The following INPP4B variants were observed in gnomAD, a reference collection of about 807,000 sequenced individuals.
INPP4B encodes inositol polyphosphate 4-phosphatase type II.
INPP4B carries 55 observed loss-of-function variants against 122.5 expected under a neutral mutation model. The observed-to-expected ratio is 0.45, with a 90% CI of 0.36 to 0.56. The LOEUF is 0.56. Ranked by LOEUF, INPP4B falls within the 20% of genes least tolerant of loss-of-function variation. The probability of loss-of-function intolerance (pLI) is 0.00; values close to 1 mark genes in which losing one functional copy is unlikely to be tolerated. For synonymous variants in INPP4B, 403 were observed against 388.7 expected, an observed-to-expected ratio of 1.04 and a Z score of -0.43; for missense variants, 1,000 against 1,097.7, an observed-to-expected ratio of 0.91 and a Z score of 1.26.
At chr4:142,514,665 A>G (rs1448123902) in intron 2 of INPP4B, 2 of 152,064 alleles carry the variant, frequency 1.3e-5, no homozygotes, top group Admixed American at 1.3e-4. Context: ...TAATAATATT[A>G]TTAGTTTTAT....
intron 22 of INPP4B, among the ~76,000 whole-genome samples, chr4:142,112,042 C>CA (rs149208884): frequency 0.13 from 20,083 of 149,874 alleles, 1,491 homozygotes; most frequent in East Asian, 0.24. Flanking sequence ...CCACGACCAG[C>CA]AAAAAAAAAG....
chr4:142,145,282 CAT>C lies in INPP4B; in HGVS notation c.1720+556_1720+557del, dbSNP rs564204092. ...AAACACATGCACTCACATGTATACACATGTGTGCATGGTTTCACAAAAATCTA... is the reference window on the plus strand; with the variant it reads ...AAACACATGCACTCACATGTATACACGTGTGCATGGTTTCACAAAAATCTA... On this transcript the variant is annotated intron_variant, in intron 18 of 25. Transcript: ENST00000262992. Among the ~76,000 whole-genome samples the C allele has an allele frequency of 7.4e-3, 1,121 of 152,252 alleles. 6 individuals carry two copies. Among genetic ancestry groups the C allele is most frequent in the Non-Finnish European group, 0.011 (752 of 68,000 alleles).
chr4:142,641,839 C>A (rs191669678), intron 2 of INPP4B, among the ~76,000 whole-genome samples: 155 of 152,294 alleles, frequency 1.0e-3, no homozygotes, highest in East Asian at 5.0e-3. Flanking sequence ...TGAGGAATCA[C>A]CACACTGACT....
At chr4:142,079,196 G>T (rs1772487329) in intron 25 of INPP4B, among the ~76,000 whole-genome samples, 3 of 151,924 alleles carry the variant, frequency 2.0e-5, no homozygotes, top group Admixed American at 2.0e-4. Flanking sequence ...TTGTTACATG[G>T]ACATACTGCA....
At chr4:142,737,488 A>G (rs1237349633) in intron 1 of INPP4B, among the ~76,000 whole-genome samples, 4 of 152,216 alleles carry the variant, frequency 2.6e-5, no homozygotes, top group Non-Finnish European at 4.4e-5. Context: ...CTTACATGTT[A>G]GACCTAAAAC....
At chr4:142,558,832 A>AT (rs146728047) in intron 2 of INPP4B, among the ~76,000 whole-genome samples, 9 of 143,238 alleles carry the variant, frequency 6.3e-5, no homozygotes, top group Non-Finnish European at 1.2e-4. Context: ...AAGAAGCTCA[A>AT]TTTTTTGAAG....
At chr4:142,044,183 A>T (rs527579153) in intron 25 of INPP4B, among the ~76,000 whole-genome samples, 1 of 152,316 alleles carries the variant, frequency 6.6e-6, no homozygotes, top group East Asian at 1.9e-4. Flanking sequence ...TATAGATAAT[A>T]AAAAGGGAGG....
intron 23 of INPP4B, among the ~76,000 whole-genome samples, chr4:142,091,797 C>T (rs1375867623): frequency 6.6e-6 from 1 of 152,172 alleles, no homozygotes; most frequent in African/African-American, 2.4e-5. Flanking sequence ...GGAACCGTGG[C>T]CTTTTAGCTC....
At chr4:142,283,949 G>T (rs1446953357) in intron 9 of INPP4B, among the ~76,000 whole-genome samples, 1 of 152,122 alleles carries the variant, frequency 6.6e-6, no homozygotes, top group African/African-American at 2.4e-5. Context: ...ACAGGAAAAT[G>T]AAGTCTGGTG....
chr4:142,590,411 A>G (rs1332607469), intron 2 of INPP4B, among the ~76,000 whole-genome samples: 2 of 152,350 alleles, frequency 1.3e-5, no homozygotes, highest in East Asian at 3.9e-4. Flanking sequence ...TTTAGTGATT[A>G]AGACTGAAGA....
At chr4:142,800,929 G>T (rs1202955082) in intron 1 of INPP4B, among the ~76,000 whole-genome samples, 2 of 152,134 alleles carry the variant, frequency 1.3e-5, no homozygotes, top group African/African-American at 4.8e-5. Flanking sequence ...CTGTCTGAGA[G>T]TCCATCTGTA....
At chr4:142,414,978 T>C (rs541201462) in intron 5 of INPP4B, among the ~76,000 whole-genome samples, 1 of 152,324 alleles carries the variant, frequency 6.6e-6, no homozygotes, top group African/African-American at 2.4e-5. Context: ...AAAGCAATAT[T>C]GTGAGTCGGT....
At chr4:142,410,254 G>A (rs937152851) in intron 5 of INPP4B, among the ~76,000 whole-genome samples, 11 of 152,328 alleles carry the variant, frequency 7.2e-5, no homozygotes, top group Non-Finnish European at 1.5e-4. Context: ...GTGTCAACAA[G>A]CAGATGCCTG....
At chr4:142,747,429 T>A (rs1231095767) in intron 1 of INPP4B, among the ~76,000 whole-genome samples, 1 of 152,118 alleles carries the variant, frequency 6.6e-6, no homozygotes. Context: ...GGTGGGAGTG[T>A]AAATTAGTTC....
chr4:142,560,192 C>T (rs573947788), intron 2 of INPP4B, among the ~76,000 whole-genome samples: 7 of 152,294 alleles, frequency 4.6e-5, no homozygotes, highest in Admixed American at 1.3e-4. Flanking sequence ...TAACAGCCTG[C>T]GCTTTCCTTC....
intron 2 of INPP4B, among the ~76,000 whole-genome samples, chr4:142,509,277 G>A (rs186867736): frequency 5.9e-5 from 9 of 152,150 alleles, no homozygotes; most frequent in African/African-American, 1.7e-4. Flanking sequence ...TGTGCCAAAC[G>A]TGCAGGTTTG....
At chr4:142,082,683 T>TAA (rs1774588393) in intron 24 of INPP4B, among the ~76,000 whole-genome samples, 3 of 152,208 alleles carry the variant, frequency 2.0e-5, no homozygotes, top group Admixed American at 6.5e-5. Flanking sequence ...TATGAGATTT[T>TAA]AAACATCCTC....
intron 9 of INPP4B, among the ~76,000 whole-genome samples, chr4:142,288,180 C>A (rs1754712455): frequency 6.6e-6 from 1 of 152,214 alleles, no homozygotes; most frequent in South Asian, 2.1e-4. Flanking sequence ...AAACCTCAAA[C>A]CTTACAAATT....
intron 22 of INPP4B, 61 bp from the exon 23 acceptor site, chr4:142,108,251 T>G: frequency 6.1e-6 from 5 of 825,982 alleles, no homozygotes; most frequent in South Asian, 5.9e-5. Flanking sequence ...AGTAACACAT[T>G]TTACCTTTCC....
Sources: allele counts gnomAD v4.1 joint callset (sites outside exome capture counted in the v4.1 genomes callset), GRCh38; gene constraint gnomAD v4.1.1; transcripts MANE v1.5; gene names NCBI Gene and HGNC (gene_info 2026-07-23, HGNC 2026-07-21).